The following CYP39A1 variants were observed in gnomAD, a reference collection of about 807,000 sequenced individuals.
The protein encoded by CYP39A1 is cytochrome P450 family 39 subfamily A member 1, also known as 24-hydroxycholesterol 7-alpha-hydroxylase.
A neutral mutation model predicts 58.1 loss-of-function variants in CYP39A1; 49 were observed. The observed-to-expected ratio is 0.84, with a 90% CI of 0.67 to 1.07. The LOEUF (loss-of-function observed/expected upper bound fraction) is 1.07. Ranked by LOEUF, CYP39A1 falls within the 50% of genes least tolerant of loss-of-function variation. The pLI is 0.00. For synonymous variants in CYP39A1, 209 were observed against 187.6 expected, an observed-to-expected ratio of 1.11 and a Z score of -0.93; for missense variants, 531 against 539.4, an observed-to-expected ratio of 0.98 and a Z score of 0.16.
intron 10 of CYP39A1, among the ~76,000 whole-genome samples, chr6:46,585,650 T>C (rs1378459892): frequency 6.6e-6 from 1 of 152,126 alleles, no homozygotes; most frequent in Non-Finnish European, 1.5e-5. Flanking sequence ...TGTCAGTATA[T>C]GGTGGGTATT....
At chr6:46,598,136 G>A (rs563184976) in intron 7 of CYP39A1, among the ~76,000 whole-genome samples, 142 of 152,160 alleles carry the variant, frequency 9.3e-4, no homozygotes, top group African/African-American at 2.0e-3. Flanking sequence ...AACCAAATAC[G>A]AAAAATGCTA....
At chr6:46,550,650 T>C (rs926300229) in intron 11 of CYP39A1, among the ~76,000 whole-genome samples, 4 of 152,242 alleles carry the variant, frequency 2.6e-5, no homozygotes, top group African/African-American at 9.6e-5. Flanking sequence ...CTTATTCTAA[T>C]AACAATCTCT....
At chr6:46,612,477 T>A (rs560402064) in intron 7 of CYP39A1, among the ~76,000 whole-genome samples, 3 of 152,338 alleles carry the variant, frequency 2.0e-5, no homozygotes, top group Non-Finnish European at 2.9e-5. Context: ...AATACTTTTT[T>A]AAGTAATCTA....
At position 46,652,607 on chromosome 6, in the gene CYP39A1, G is replaced by A. The variant is rs200600378; in HGVS notation, c.-25C>T. On this transcript the variant is annotated 5_prime_UTR_variant, in exon 1 of 12. Transcript: ENST00000275016. ...TGTTTTTGTCCAGCACCTTCCAGAAGCAGAAAAGTGTGAAACAGTCCTGCC... is the reference window on the plus strand; with the variant it reads ...TGTTTTTGTCCAGCACCTTCCAGAAACAGAAAAGTGTGAAACAGTCCTGCC... 3 of 1,563,502 alleles carry A rather than the reference G, an allele frequency of 1.9e-6. No homozygotes were observed. The highest frequency in any genetic ancestry group is 1.4e-5 in the African/African-American group (1 of 72,918).
intron 7 of CYP39A1, among the ~76,000 whole-genome samples, chr6:46,603,494 C>T (rs1158138135): frequency 6.6e-6 from 1 of 152,138 alleles, no homozygotes; most frequent in East Asian, 1.9e-4. Flanking sequence ...TTTATCTACC[C>T]TCCTTCCTTT....
chr6:46,632,035 A>T (rs987190378), intron 5 of CYP39A1, among the ~76,000 whole-genome samples: 2 of 152,200 alleles, frequency 1.3e-5, no homozygotes, highest in African/African-American at 4.8e-5. Context: ...TACTGTTTTA[A>T]GTGTATTGCA....
chr6:46,576,550 G>T (rs1447239716), intron 10 of CYP39A1, among the ~76,000 whole-genome samples: 1 of 152,284 alleles, frequency 6.6e-6, no homozygotes, highest in East Asian at 1.9e-4. Flanking sequence ...TGGCAAGGAA[G>T]CTCATCAAGA....
chr6:46,574,106 A>T (rs143145581), intron 10 of CYP39A1, among the ~76,000 whole-genome samples: 1 of 152,278 alleles, frequency 6.6e-6, no homozygotes, highest in East Asian at 1.9e-4. Context: ...TGATGTTGCC[A>T]TGGAGTCAGT....
At chr6:46,558,995 A>G (rs78283790) in intron 10 of CYP39A1, among the ~76,000 whole-genome samples, 1 of 130,350 alleles carries the variant, frequency 7.7e-6, no homozygotes, top group African/African-American at 3.1e-5. Context: ...ACTCCATCTC[A>G]AAAAAAAAAA....
chr6:46,600,123 TTTC>T (rs1424116509), intron 7 of CYP39A1, among the ~76,000 whole-genome samples: 1 of 151,852 alleles, frequency 6.6e-6, no homozygotes, highest in Non-Finnish European at 1.5e-5. Context: ...TTTCTTTTCT[TTTC>T]TTTTTTCTTT....
At chr6:46,557,933 C>CAAAAAAAAAAAA (rs1186594398) in intron 10 of CYP39A1, among the ~76,000 whole-genome samples, 2 of 37,624 alleles carry the variant, frequency 5.3e-5, no homozygotes, top group African/African-American at 2.0e-4. Flanking sequence ...GACTCCATCT[C>CAAAAAAAAAAAA]AAAAAAAAAA....
At chr6:46,616,628 G>T (rs1177629184) in intron 7 of CYP39A1, among the ~76,000 whole-genome samples, 2 of 152,010 alleles carry the variant, frequency 1.3e-5, no homozygotes. Context: ...TAAGCACCAA[G>T]AAAAAAGTAA....
intron 1 of CYP39A1, among the ~76,000 whole-genome samples, chr6:46,646,434 G>A (rs974214567): frequency 3.3e-5 from 5 of 151,870 alleles, no homozygotes; most frequent in Non-Finnish European, 4.4e-5. Context: ...GACTTCACTC[G>A]GTAATTCTTT....
chr6:46,557,575 G>C (rs576319098), intron 10 of CYP39A1, among the ~76,000 whole-genome samples: 35 of 151,042 alleles, frequency 2.3e-4, no homozygotes, highest in African/African-American at 8.5e-4. Context: ...CCAGGGAGGA[G>C]GAGGTTGCAC....
chr6:46,591,348 T>C (rs141881183), intron 8 of CYP39A1, among the ~76,000 whole-genome samples: 2,036 of 152,190 alleles, frequency 0.013, 36 homozygotes, highest in African/African-American at 0.046. Context: ...GTGTTGTATA[T>C]TGATGTTTAC....
At chr6:46,639,732 T>C (rs1013967720) in intron 2 of CYP39A1, 64 bp from the exon 3 acceptor site, 1 of 1,370,082 alleles carries the variant, frequency 7.3e-7, no homozygotes, top group Non-Finnish European at 1.0e-6. Flanking sequence ...AGTCAATATA[T>C]ATCTACTATT....
At chr6:46,622,410 A>G (rs1775013285) in intron 7 of CYP39A1, among the ~76,000 whole-genome samples, 1 of 152,028 alleles carries the variant, frequency 6.6e-6, no homozygotes, top group South Asian at 2.1e-4. Context: ...TCAAGATGAC[A>G]ACCTGAGAAC....
intron 9 of CYP39A1, 83 bp from the exon 10 acceptor site, chr6:46,587,248 T>C: frequency 2.3e-6 from 2 of 887,850 alleles, no homozygotes; most frequent in Middle Eastern, 2.1e-4. Context: ...AAAATGACCT[T>C]GTACAGCTAA....
At chr6:46,624,220 T>G (rs1240797353) in intron 7 of CYP39A1, among the ~76,000 whole-genome samples, 1 of 152,010 alleles carries the variant, frequency 6.6e-6, no homozygotes, top group Non-Finnish European at 1.5e-5. Flanking sequence ...AAATTTGGAG[T>G]ACCCTAAGTC....
Sources: gnomAD v4.1 joint callset for allele counts (sites outside exome capture counted in the v4.1 genomes callset) on GRCh38, gnomAD v4.1.1 for gene constraint, MANE v1.5 for transcripts, NCBI Gene and HGNC (gene_info 2026-07-23, HGNC 2026-07-21) for gene names.